RBFOX1: variants seen among roughly 807,000 people sequenced by gnomAD.
RBFOX1 encodes the protein RNA binding protein fox-1 homolog 1.
RBFOX1 carries 8 observed loss-of-function variants against 57.7 expected under a neutral mutation model. The ratio of observed to expected loss-of-function variants is 0.14; its 90% confidence interval spans 0.08 to 0.25. RBFOX1 has a LOEUF of 0.25. Ranked by LOEUF, RBFOX1 falls within the 10% of genes least tolerant of loss-of-function variation. The pLI is 1.00. For missense variants in RBFOX1, 611 were observed against 548.5 expected, an observed-to-expected ratio of 1.11 and a Z score of -1.14; for synonymous variants, 326 against 222.4, an observed-to-expected ratio of 1.47 and a Z score of -4.15.
intron 5 of RBFOX1, among the ~76,000 whole-genome samples, chr16:7,536,641 G>T (rs996611018): frequency 6.6e-6 from 1 of 152,144 alleles, no homozygotes. Flanking sequence ...TGCAGAGAAA[G>T]GTGGGTGGAT....
At chr16:7,425,449 T>C (rs1280452437) in intron 4 of RBFOX1, among the ~76,000 whole-genome samples, 3 of 152,224 alleles carry the variant, frequency 2.0e-5, no homozygotes, top group Non-Finnish European at 4.4e-5. Context: ...TTGAGAAATT[T>C]CAAAGGATGG....
intron 2 of RBFOX1, among the ~76,000 whole-genome samples, chr16:6,378,326 A>G (rs1478506081): frequency 6.6e-6 from 1 of 152,130 alleles, no homozygotes; most frequent in Non-Finnish European, 1.5e-5. Flanking sequence ...GGCCCAACAG[A>G]GAGATGGTGA....
At chr16:6,341,030 G>T (rs988114580) in intron 2 of RBFOX1, among the ~76,000 whole-genome samples, 1 of 152,108 alleles carries the variant, frequency 6.6e-6, no homozygotes, top group Non-Finnish European at 1.5e-5. Flanking sequence ...CTGTCTCTAG[G>T]GTCTTGTAGG....
chr16:6,039,474 G>T (rs1287989244), intron 1 of RBFOX1, among the ~76,000 whole-genome samples: 1 of 152,072 alleles, frequency 6.6e-6, no homozygotes, highest in African/African-American at 2.4e-5. Context: ...GAAGTTCTAT[G>T]AGGAGGGCAC....
chr16:5,758,910 A>G (rs1341459171), intron 3 of RBFOX1, among the ~76,000 whole-genome samples: 1 of 152,086 alleles, frequency 6.6e-6, no homozygotes, highest in Non-Finnish European at 1.5e-5. Context: ...GACTCCACTT[A>G]CCTCTTGTGT....
chr16:6,680,183 C>T (rs1290379994), intron 3 of RBFOX1, among the ~76,000 whole-genome samples: 4 of 151,144 alleles, frequency 2.6e-5, no homozygotes, highest in African/African-American at 7.3e-5. Context: ...ATAGCAATTT[C>T]GTATGGAGCT....
Position 7,139,367 on chromosome 16 carries a change from C to T in RBFOX1, c.27+87269C>T, listed in dbSNP as rs554357468. Among the ~76,000 whole-genome samples the T allele has an allele frequency of 4.6e-5, 7 of 152,262 alleles. No homozygotes were observed. The East Asian group carries it at 1.4e-3, about 29-fold the overall frequency. On this transcript the variant is annotated intron_variant, in intron 4 of 15. Transcript: ENST00000550418. ...TCTTACAGACAGAATTGTCTTTCTGCCATGCTTGGCTTCATCCCTCCACTA... is the reference window on the plus strand; with the variant it reads ...TCTTACAGACAGAATTGTCTTTCTGTCATGCTTGGCTTCATCCCTCCACTA...
At chr16:6,479,845 C>G (rs912045330) in intron 2 of RBFOX1, among the ~76,000 whole-genome samples, 1 of 151,346 alleles carries the variant, frequency 6.6e-6, no homozygotes, top group South Asian at 2.1e-4. Context: ...AGGTCAGGAG[C>G]TTGAGACCAG....
At chr16:7,331,485 C>G (rs998041523) in intron 4 of RBFOX1, among the ~76,000 whole-genome samples, 9 of 152,160 alleles carry the variant, frequency 5.9e-5, no homozygotes, top group African/African-American at 2.2e-4. Flanking sequence ...GATTAGAAGA[C>G]TGACAATTTG....
At chr16:6,986,275 A>C (rs1012512662) in intron 3 of RBFOX1, among the ~76,000 whole-genome samples, 10 of 151,834 alleles carry the variant, frequency 6.6e-5, no homozygotes, top group African/African-American at 2.4e-4. Flanking sequence ...ATCTTGGCTC[A>C]CTGCAACCTG....
chr16:6,974,710 G>T (rs1186644740), intron 3 of RBFOX1, among the ~76,000 whole-genome samples: 1 of 151,942 alleles, frequency 6.6e-6, no homozygotes, highest in Non-Finnish European at 1.5e-5. Flanking sequence ...TTTATTAAAT[G>T]TCCCTTTCCA....
Position 5,240,616 on chromosome 16 carries a change from T to C in RBFOX1, c.219+511T>C, listed in dbSNP as rs1168549524. On this transcript the variant is annotated intron_variant, in intron 1 of 2. Coordinates refer to the RBFOX1 transcript ENST00000585867. ...CTTCCTGTTTTTCTTCCCTTTCTGG[T>C]TGGGCAGCGAGAGTTGAGAGGAGGC... Among the ~76,000 whole-genome samples the C allele has an allele frequency of 6.6e-5, 10 of 152,268 alleles. No homozygotes were observed. The East Asian group carries it at 1.9e-3, about 30-fold the overall frequency.
chr16:6,171,858 G>A (rs954410304), intron 1 of RBFOX1, among the ~76,000 whole-genome samples: 1 of 146,118 alleles, frequency 6.8e-6, no homozygotes. Context: ...GTCTCGCTCT[G>A]TCACCCAGGT....
At chr16:6,502,439 A>G (rs1267417684) in intron 2 of RBFOX1, among the ~76,000 whole-genome samples, 1 of 152,140 alleles carries the variant, frequency 6.6e-6, no homozygotes, top group Non-Finnish European at 1.5e-5. Flanking sequence ...AAGTTATTTA[A>G]TCTCTTTAAG....
intron 4 of RBFOX1, among the ~76,000 whole-genome samples, chr16:7,227,232 G>T (rs201789497): frequency 5.2e-4 from 79 of 151,258 alleles, no homozygotes; most frequent in East Asian, 3.9e-3. Flanking sequence ...CATGCCATGT[G>T]CTCTATCTGT....
At chr16:6,236,661 G>A (rs1001714098) in intron 1 of RBFOX1, among the ~76,000 whole-genome samples, 1 of 151,936 alleles carries the variant, frequency 6.6e-6, no homozygotes, top group Non-Finnish European at 1.5e-5. Context: ...ATGTTGTCCA[G>A]GCTGGTCTCA....
intron 3 of RBFOX1, among the ~76,000 whole-genome samples, chr16:5,787,217 C>G (rs1188916857): frequency 6.6e-6 from 1 of 152,142 alleles, no homozygotes; most frequent in East Asian, 1.9e-4. Context: ...GGCCCTTTCA[C>G]TGGGAGAAAA....
chr16:6,185,315 T>G (rs916246273), intron 1 of RBFOX1, among the ~76,000 whole-genome samples: 1 of 152,196 alleles, frequency 6.6e-6, no homozygotes, highest in African/African-American at 2.4e-5. Flanking sequence ...TTCCTTCCAT[T>G]CTCTCTTGAA....
chr16:7,361,618 C>G (rs1477679600), intron 4 of RBFOX1, among the ~76,000 whole-genome samples: 2 of 152,098 alleles, frequency 1.3e-5, no homozygotes, highest in African/African-American at 4.8e-5. Context: ...ACTAAAGCAA[C>G]CAAACACACA....
Sources: gnomAD v4.1 joint callset for allele counts (sites outside exome capture counted in the v4.1 genomes callset) on GRCh38, gnomAD v4.1.1 for gene constraint, MANE v1.5 for transcripts, NCBI Gene and HGNC (gene_info 2026-07-23, HGNC 2026-07-21) for gene names.